The following GRXCR2 variants were observed in gnomAD, a reference collection of about 807,000 sequenced individuals.
GRXCR2 encodes the protein glutaredoxin and cysteine rich domain containing 2.
GRXCR2 carries 23 observed loss-of-function variants against 24.8 expected under a neutral mutation model. The observed-to-expected ratio is 0.93, with a 90% confidence interval of 0.67 to 1.32. GRXCR2 has a LOEUF of 1.32. Among genes scored for constraint, GRXCR2 ranks in the 40% most tolerant of loss-of-function variants. GRXCR2 has a pLI of 0.00. For missense variants in GRXCR2, 315 were observed against 303.4 expected, an observed-to-expected ratio of 1.04 and a Z score of -0.28; for synonymous variants, 130 against 116.1, an observed-to-expected ratio of 1.12 and a Z score of -0.77.
At chr5:145,874,186 CT>C (rs984024658), upstream of GRXCR2, among the ~76,000 whole-genome samples, 9 of 150,304 alleles carry the variant, frequency 6.0e-5, no homozygotes, top group Admixed American at 3.3e-4. Flanking sequence ...CGCTTGGATT[CT>C]TTTTTTTTAT....
At chr5:145,904,690 TCTGTTA>T (rs2149923545) in intron 2 of GRXCR2, among the ~76,000 whole-genome samples, 1 of 152,346 alleles carries the variant, frequency 6.6e-6, no homozygotes, top group Non-Finnish European at 1.5e-5. Flanking sequence ...GCCTGATGTT[TCTGTTA>T]CCTATTTTTG....
At chr5:145,883,945 T>C (rs976013320) in intron 2 of GRXCR2, among the ~76,000 whole-genome samples, 5 of 152,194 alleles carry the variant, frequency 3.3e-5, no homozygotes, top group Non-Finnish European at 1.5e-5. Context: ...CACAATACTT[T>C]TGTAAAACTC....
At chr5:145,917,969 G>A (rs1311912485) in intron 2 of GRXCR2, among the ~76,000 whole-genome samples, 7 of 152,088 alleles carry the variant, frequency 4.6e-5, no homozygotes, top group South Asian at 2.1e-4. Context: ...TAGTAGAGAC[G>A]GGGCTTCACC....
intron 2 of GRXCR2, among the ~76,000 whole-genome samples, chr5:145,882,344 T>C (rs535231360): frequency 6.6e-6 from 1 of 152,126 alleles, no homozygotes; most frequent in South Asian, 2.1e-4. Flanking sequence ...AACAACCCCA[T>C]CAAAAAGTGG....
intron 2 of GRXCR2, among the ~76,000 whole-genome samples, chr5:145,929,511 TAA>T (rs934039155): frequency 2.6e-5 from 4 of 152,074 alleles, no homozygotes; most frequent in African/African-American, 9.7e-5. Context: ...CCCCCAATCA[TAA>T]GTTTTCATAT....
chr5:145,878,715 C>T (rs577778841), intron 2 of GRXCR2, among the ~76,000 whole-genome samples: 1 of 152,182 alleles, frequency 6.6e-6, no homozygotes, highest in South Asian at 2.1e-4. Flanking sequence ...AGATACTCCT[C>T]GAGAAGAGCA....
rs1756492924 is a variant in GRXCR2, at chr5:145,869,521, C to T, written c.337-2793G>A. ...ACATTCGCTAAGCACATAAAATGTG[C>T]CAGGCACAATGCTAAGAGCTTCTTT... On this transcript the variant is annotated intron_variant, in intron 1 of 2. Transcript: ENST00000377976. Among the ~76,000 whole-genome samples, 5 of 151,852 alleles carry T rather than the reference C, an allele frequency of 3.3e-5. No homozygotes were observed. In the South Asian group the frequency reaches 8.3e-4, roughly 25 times the overall value.
intron 2 of GRXCR2, among the ~76,000 whole-genome samples, chr5:145,904,371 T>C (rs1236514553): frequency 1.3e-5 from 2 of 152,042 alleles, no homozygotes; most frequent in African/African-American, 2.4e-5. Context: ...CCCCTGGAAA[T>C]GGTTTTCCCT....
At chr5:145,892,275 T>C (rs1756877801) in intron 2 of GRXCR2, among the ~76,000 whole-genome samples, 1 of 151,966 alleles carries the variant, frequency 6.6e-6, no homozygotes, top group African/African-American at 2.4e-5. Context: ...AGAACAAAGC[T>C]AGATGGAGAA....
At chr5:145,877,892 C>T (rs550417444), upstream of GRXCR2, among the ~76,000 whole-genome samples, 6 of 152,154 alleles carry the variant, frequency 3.9e-5, no homozygotes, top group African/African-American at 1.4e-4. Context: ...CTGGTGATAC[C>T]CAGGCAAACA....
At chr5:145,911,593 C>T (rs1485171937) in intron 2 of GRXCR2, among the ~76,000 whole-genome samples, 2 of 152,204 alleles carry the variant, frequency 1.3e-5, no homozygotes, top group Non-Finnish European at 2.9e-5. Context: ...TCCCCAAATT[C>T]ACACTTCCTT....
intron 2 of GRXCR2, among the ~76,000 whole-genome samples, chr5:145,905,460 A>G (rs1380793304): frequency 6.6e-6 from 1 of 152,202 alleles, no homozygotes; most frequent in Non-Finnish European, 1.5e-5. Context: ...TTTATTAGAG[A>G]TGTACTATGT....
At chr5:145,873,493 C>G (rs1232265000), upstream of GRXCR2, among the ~76,000 whole-genome samples, 1 of 152,186 alleles carries the variant, frequency 6.6e-6, no homozygotes, top group Non-Finnish European at 1.5e-5. Context: ...AGCCACTTGT[C>G]ATTTATCTTC....
At chr5:145,886,999 A>T (rs340041) in intron 2 of GRXCR2, among the ~76,000 whole-genome samples, 15,501 of 152,256 alleles carry the variant, frequency 0.1, 1,681 homozygotes, top group African/African-American at 0.27. Context: ...ACACAGTAGA[A>T]TCACATACCC....
At chr5:145,925,638 A>G (rs1042301314) in intron 2 of GRXCR2, among the ~76,000 whole-genome samples, 9 of 152,166 alleles carry the variant, frequency 5.9e-5, no homozygotes, top group Non-Finnish European at 1.2e-4. Flanking sequence ...AATTAATGAC[A>G]CAGACATGGT....
chr5:145,911,454 A>C (rs1485361081), intron 2 of GRXCR2, among the ~76,000 whole-genome samples: 1 of 152,152 alleles, frequency 6.6e-6, no homozygotes, highest in Non-Finnish European at 1.5e-5. Context: ...AAGGTACTGA[A>C]ATGAAAGGAA....
intron 2 of GRXCR2, among the ~76,000 whole-genome samples, chr5:145,862,000 T>G (rs758847037): frequency 1.3e-5 from 2 of 152,232 alleles, no homozygotes; most frequent in Non-Finnish European, 2.9e-5. Flanking sequence ...TACCATATTT[T>G]AGTATATTAA....
At chr5:145,872,586 T>C in intron 1 of GRXCR2, 47 bp downstream of exon 1, 1 of 1,480,054 alleles carries the variant, frequency 6.8e-7, no homozygotes. Context: ...TAAACACGTT[T>C]TAGGAAGCCC....
intron 2 of GRXCR2, among the ~76,000 whole-genome samples, chr5:145,918,416 C>A (rs1337854965): frequency 1.3e-5 from 2 of 152,128 alleles, no homozygotes; most frequent in Non-Finnish European, 2.9e-5. Flanking sequence ...TCATTGCTAT[C>A]CCCTAGTAAC....
Sources: gnomAD v4.1 joint callset for allele counts (sites outside exome capture counted in the v4.1 genomes callset) on GRCh38, gnomAD v4.1.1 for gene constraint, MANE v1.5 for transcripts, NCBI Gene and HGNC (gene_info 2026-07-23, HGNC 2026-07-21) for gene names.